The following CDH18 variants were observed in gnomAD, a reference collection of about 807,000 sequenced individuals.
The protein encoded by CDH18 is cadherin 18.
A neutral mutation model predicts 67.9 loss-of-function variants in CDH18; 31 were observed. That is an observed-to-expected ratio of 0.46 (90% confidence interval 0.34 to 0.62). The LOEUF (loss-of-function observed/expected upper bound fraction) is 0.62. Among genes scored for constraint, CDH18 ranks in the 20% least tolerant of loss-of-function variants. CDH18 has a pLI of 0.01. For missense variants in CDH18, 890 were observed against 975.5 expected (o/e 0.91, Z 1.17); for synonymous variants, 362 against 347.2 (o/e 1.04, Z -0.48).
intron 1 of CDH18, among the ~76,000 whole-genome samples, chr5:20,439,637 A>G (rs1388364787): frequency 1.3e-5 from 2 of 151,766 alleles, no homozygotes. Context: ...GATCCAATCT[A>G]TTTTATACTT....
At chr5:19,796,978 GAAAC>G (rs1275855925) in intron 3 of CDH18, among the ~76,000 whole-genome samples, 2 of 151,652 alleles carry the variant, frequency 1.3e-5, no homozygotes, top group African/African-American at 4.8e-5. Flanking sequence ...GCATAAAAAA[GAAAC>G]AAAGAAATGA....
chr5:20,540,014 G>C lies in CDH18; in HGVS notation c.-580+35448C>G, dbSNP rs62354272. On this transcript the variant is annotated intron_variant, in intron 1 of 14. Transcript: ENST00000507958. ...ATTAAACCTAATAAACTGCCTAAAA[G>C]TTTTATGTCTAACTTTTAGTGTCTG... 3.5e-3 allele frequency among the ~76,000 whole-genome samples: 529 copies of C among 152,194 alleles called. 2 individuals carry two copies. Among genetic ancestry groups the C allele is most frequent in the Non-Finnish European group, 5.4e-3 (364 of 68,008 alleles).
chr5:19,558,701 C>A (rs1413921343), intron 8 of CDH18, among the ~76,000 whole-genome samples: 1 of 151,858 alleles, frequency 6.6e-6, no homozygotes, highest in Non-Finnish European at 1.5e-5. Context: ...AGATTCATGG[C>A]TGAATTATAT....
At chr5:20,260,709 G>A (rs1469919834) in intron 1 of CDH18, among the ~76,000 whole-genome samples, 1 of 152,122 alleles carries the variant, frequency 6.6e-6, no homozygotes, top group Non-Finnish European at 1.5e-5. Context: ...ATTATGTTAT[G>A]TTACATTATA....
chr5:19,917,896 G>A (rs182887521), intron 2 of CDH18, among the ~76,000 whole-genome samples: 12 of 152,096 alleles, frequency 7.9e-5, no homozygotes, highest in East Asian at 3.9e-4. Context: ...ATACCTCTAC[G>A]ACAGATAAGT....
intron 1 of CDH18, among the ~76,000 whole-genome samples, chr5:20,483,578 A>G (rs1752967078): frequency 1.3e-5 from 2 of 151,892 alleles, no homozygotes. Context: ...AAAGACACAT[A>G]AATCAATGAA....
intron 3 of CDH18, among the ~76,000 whole-genome samples, chr5:19,784,441 G>A (rs975481756): frequency 1.3e-5 from 2 of 152,070 alleles, no homozygotes; most frequent in African/African-American, 2.4e-5. Flanking sequence ...TATGATCTTT[G>A]CTGTAACAAG....
intron 1 of CDH18, among the ~76,000 whole-genome samples, chr5:20,367,694 C>T (rs1384450822): frequency 4.6e-5 from 7 of 152,186 alleles, no homozygotes; most frequent in African/African-American, 1.2e-4. Context: ...AAAACAAGAA[C>T]ATGTGGTAAA....
intron 2 of CDH18, among the ~76,000 whole-genome samples, chr5:19,859,505 C>A (rs1784652359): frequency 6.6e-6 from 1 of 152,050 alleles, no homozygotes; most frequent in Non-Finnish European, 1.5e-5. Flanking sequence ...GGTCTTTTTC[C>A]TGATCTAGGA....
chr5:19,878,826 C>T (rs563442998), intron 2 of CDH18, among the ~76,000 whole-genome samples: 81 of 151,962 alleles, frequency 5.3e-4, no homozygotes, highest in Admixed American at 1.6e-3. Context: ...ATAAAAAAAT[C>T]TTTTTTTGTG....
chr5:20,424,158 A>G (rs1580969643), intron 1 of CDH18, among the ~76,000 whole-genome samples: 2 of 150,806 alleles, frequency 1.3e-5, no homozygotes, highest in Non-Finnish European at 2.9e-5. Flanking sequence ...AAAAAGTAAT[A>G]ATTCTTAATA....
At chr5:20,372,167 C>T (rs754060632) in intron 1 of CDH18, among the ~76,000 whole-genome samples, 6 of 152,072 alleles carry the variant, frequency 3.9e-5, no homozygotes, top group African/African-American at 9.7e-5. Flanking sequence ...CCTGAAAACA[C>T]GTGAAATACA....
intron 2 of CDH18, among the ~76,000 whole-genome samples, chr5:20,043,388 G>T (rs1217063358): frequency 6.6e-6 from 1 of 151,902 alleles, no homozygotes; most frequent in Non-Finnish European, 1.5e-5. Flanking sequence ...ATTACTAAAG[G>T]TTTGCCTCTA....
chr5:19,863,129 G>C (rs1785081706), intron 2 of CDH18, among the ~76,000 whole-genome samples: 4 of 151,962 alleles, frequency 2.6e-5, no homozygotes, highest in Admixed American at 2.6e-4. Context: ...GTTGTCTTAT[G>C]CCTGGCCCTG....
chr5:20,294,972 G>T (rs539143012), intron 1 of CDH18, among the ~76,000 whole-genome samples: 1 of 152,250 alleles, frequency 6.6e-6, no homozygotes, highest in African/African-American at 2.4e-5. Context: ...GCTATTCAGA[G>T]TGAACTTTGA....
chr5:20,173,585 G>A (rs1465827817), intron 2 of CDH18, among the ~76,000 whole-genome samples: 2 of 152,148 alleles, frequency 1.3e-5, no homozygotes, highest in East Asian at 1.9e-4. Flanking sequence ...TTAGCAGGTG[G>A]TTCGCAGTCA....
At chr5:20,476,515 A>T (rs1227815714) in intron 1 of CDH18, among the ~76,000 whole-genome samples, 1 of 152,162 alleles carries the variant, frequency 6.6e-6, no homozygotes, top group Non-Finnish European at 1.5e-5. Flanking sequence ...AAGCCAATTG[A>T]GTTGAATTTC....
At chr5:20,226,007 A>G (rs1445249535) in intron 2 of CDH18, among the ~76,000 whole-genome samples, 3 of 152,122 alleles carry the variant, frequency 2.0e-5, no homozygotes, top group Non-Finnish European at 4.4e-5. Context: ...TGGGAGAAAA[A>G]TAAAGGCTTT....
intron 1 of CDH18, among the ~76,000 whole-genome samples, chr5:20,467,457 A>G (rs1431609503): frequency 1.3e-5 from 2 of 152,196 alleles, no homozygotes; most frequent in Non-Finnish European, 2.9e-5. Flanking sequence ...GAAAGCAACA[A>G]GAAGCAAGAG....
Sources: gnomAD v4.1 joint callset for allele counts (sites outside exome capture counted in the v4.1 genomes callset) on GRCh38, gnomAD v4.1.1 for gene constraint, MANE v1.5 for transcripts, NCBI Gene and HGNC (gene_info 2026-07-23, HGNC 2026-07-21) for gene names.